Variants in FAM120A observed in about 807,000 individuals in gnomAD.
FAM120A encodes the protein family with sequence similarity 120 member A, also known as constitutive coactivator of PPAR-gamma-like protein 1.
FAM120A carries 15 observed loss-of-function variants against 109.7 expected under a neutral mutation model. The observed-to-expected ratio is 0.14, with a 90% CI of 0.09 to 0.21. The LOEUF (loss-of-function observed/expected upper bound fraction) is 0.21, where lower values mean the gene tolerates loss of function less well. Ranked by LOEUF, FAM120A falls within the 10% of genes least tolerant of loss-of-function variation. FAM120A has a pLI of 1.00. For synonymous variants in FAM120A, 493 were observed against 572.8 expected (o/e 0.86, Z 1.99); for missense variants, 899 against 1,439.3 (o/e 0.62, Z 6.07).
At chr9:93,459,345 C>A (rs2131207065) in intron 1 of FAM120A, among the ~76,000 whole-genome samples, 1 of 152,334 alleles carries the variant, frequency 6.6e-6, no homozygotes, top group South Asian at 2.1e-4. Flanking sequence ...TTGCTGCATT[C>A]CATTATATAG....
intron 11 of FAM120A, among the ~76,000 whole-genome samples, chr9:93,546,455 C>T (rs1431906656): frequency 1.3e-5 from 2 of 152,238 alleles, no homozygotes; most frequent in African/African-American, 4.8e-5. Context: ...TAAGTTTGTG[C>T]TCAGACTCTT....
chr9:93,482,112 C>A (rs1467513473), intron 3 of FAM120A, among the ~76,000 whole-genome samples: 24 of 151,708 alleles, frequency 1.6e-4, no homozygotes. Flanking sequence ...CCAGCATTAT[C>A]TTTCCCTGAG....
At chr9:93,489,747 G>A (rs780289531) in intron 3 of FAM120A, among the ~76,000 whole-genome samples, 11 of 152,194 alleles carry the variant, frequency 7.2e-5, no homozygotes, top group Non-Finnish European at 1.3e-4. Context: ...AAATTTGAAA[G>A]CATGACTATT....
chr9:93,525,550 T>C (rs1221142337), intron 7 of FAM120A, among the ~76,000 whole-genome samples: 1 of 152,100 alleles, frequency 6.6e-6, no homozygotes, highest in African/African-American at 2.4e-5. Context: ...TAAGCAAGAG[T>C]TGTGCCAATG....
At chr9:93,527,898 TAG>T (rs1861158211) in intron 8 of FAM120A, among the ~76,000 whole-genome samples, 1 of 152,096 alleles carries the variant, frequency 6.6e-6, no homozygotes, top group Admixed American at 6.5e-5. Flanking sequence ...GCTGGGATTA[TAG>T]ACGTGAGCCA....
chr9:93,492,726 C>A lies in FAM120A; in HGVS notation c.805-4745C>A, dbSNP rs199911900. On this transcript the variant is annotated intron_variant, in intron 3 of 17. Coordinates refer to ENST00000277165, the MANE Select transcript of FAM120A (RefSeq NM_014612.5). ...TGCATGGTCAGCAAATTATAAACGG[C>A]CGGTGTTTTCGGACCAGAGGGTAGA... Among the ~76,000 whole-genome samples, 34 of 152,232 alleles carry A rather than the reference C, an allele frequency of 2.2e-4. 1 individual carries two copies. Among genetic ancestry groups the A allele is most frequent in the East Asian group, 1.7e-3 (9 of 5,188 alleles).
At chr9:93,459,927 T>G (rs1857716612) in intron 1 of FAM120A, among the ~76,000 whole-genome samples, 1 of 152,258 alleles carries the variant, frequency 6.6e-6, no homozygotes, top group South Asian at 2.1e-4. Context: ...TTTATGCCTT[T>G]GTAAAGTCAT....
intron 1 of FAM120A, among the ~76,000 whole-genome samples, chr9:93,459,271 G>A (rs542952359): frequency 5.3e-5 from 8 of 152,298 alleles, no homozygotes; most frequent in South Asian, 4.1e-4. Context: ...TGAGGCCAGG[G>A]ACTGTTTTAC....
At chr9:93,557,305 T>G (rs994819857) in intron 13 of FAM120A, among the ~76,000 whole-genome samples, 5 of 152,070 alleles carry the variant, frequency 3.3e-5, no homozygotes, top group Non-Finnish European at 7.4e-5. Context: ...AATTTTTGTA[T>G]TTTTAGTAGA....
At chr9:93,457,008 T>C (rs1434379545) in intron 1 of FAM120A, among the ~76,000 whole-genome samples, 1 of 152,242 alleles carries the variant, frequency 6.6e-6, no homozygotes, top group Non-Finnish European at 1.5e-5. Context: ...TGTCACTAGT[T>C]TAATTCACAT....
chr9:93,522,805 TC>T (rs1204817393), intron 7 of FAM120A, among the ~76,000 whole-genome samples: 1 of 152,168 alleles, frequency 6.6e-6, no homozygotes, highest in African/African-American at 2.4e-5. Flanking sequence ...AAGTCTTGTA[TC>T]CCCCTCCCCT....
Position 93,476,449 on chromosome 9 carries a change from C to T in FAM120A, c.804+111C>T, listed in dbSNP as rs10821136. 0.3 allele frequency: 206,684 copies of T among 688,540 alleles called. 33,847 individuals are homozygous for T. The highest frequency in any genetic ancestry group is 0.47 in the East Asian group (16,738 of 35,926). 42.7% of individuals were successfully genotyped at this position (688,540 alleles called of 1,614,324 possible). On this transcript the variant is annotated intron_variant, in intron 3 of 17. Transcript: ENST00000277165. ...TGGTGATGCTACAAAGTTAGCAATACCATGTTTTCCCATAATTTCAGGATC... is the reference window on the plus strand; with the variant it reads ...TGGTGATGCTACAAAGTTAGCAATATCATGTTTTCCCATAATTTCAGGATC...
At chr9:93,508,293 C>G (rs1860155748) in intron 5 of FAM120A, among the ~76,000 whole-genome samples, 1 of 152,204 alleles carries the variant, frequency 6.6e-6, no homozygotes, top group African/African-American at 2.4e-5. Flanking sequence ...GATGAGCAAC[C>G]TGGTCCTGGT....
At chr9:93,463,450 T>A (rs1005722467) in intron 1 of FAM120A, among the ~76,000 whole-genome samples, 1 of 152,246 alleles carries the variant, frequency 6.6e-6, no homozygotes, top group Admixed American at 6.5e-5. Context: ...GAGGCATTGC[T>A]GCTATGTGTC....
intron 1 of FAM120A, among the ~76,000 whole-genome samples, chr9:93,461,981 ACAT>A (rs1212683206): frequency 6.6e-6 from 1 of 152,264 alleles, no homozygotes; most frequent in African/African-American, 2.4e-5. Context: ...GACTGTGATC[ACAT>A]CACAAGCAGT....
intron 3 of FAM120A, among the ~76,000 whole-genome samples, chr9:93,490,103 G>A (rs1057070880): frequency 2.6e-5 from 4 of 152,156 alleles, no homozygotes; most frequent in Non-Finnish European, 5.9e-5. Context: ...TCTAGCACAG[G>A]CCTCATCCAT....
In FAM120A at chr9:93,497,454, T is replaced by TAA. The variant is rs779873748; in HGVS notation, c.805-16_805-15insAA. On this transcript the variant is annotated splice_polypyrimidine_tract_variant and intron_variant, in intron 3 of 17. Coordinates refer to ENST00000277165, the MANE Select transcript of FAM120A (RefSeq NM_014612.5). ...TTGCTCACCATCCACTGTTGACACT[T>TAA]ACGTTTGTTTTCTCAGGTCCGGGCC... is the stretch of plus-strand genomic sequence containing the variant. 7 of 1,611,556 alleles carry TAA rather than the reference T, an allele frequency of 4.3e-6. No homozygotes were observed. The Admixed American group carries it at 1.2e-4, about 27-fold the overall frequency.
At chr9:93,502,415 A>G (rs1306924086) in intron 5 of FAM120A, among the ~76,000 whole-genome samples, 8 of 152,296 alleles carry the variant, frequency 5.3e-5, no homozygotes, top group Non-Finnish European at 1.2e-4. Flanking sequence ...GAATGTTCCT[A>G]GCTAGGTACC....
rs774723870 is a variant in FAM120A at position 93,543,361 on chromosome 9, C to T, written c.2049C>T (p.Asp683=). The change falls in exon 11 of 18, where the codon GAC becomes GAT. Residue 683 remains aspartate, a synonymous_variant. Coordinates refer to ENST00000277165, the MANE Select transcript of FAM120A (RefSeq NM_014612.5). ...TGTGGTTGGGTAAGGCGGTAGAGGA[C>T]AAGAACCGCAGGATGAGGGCCTTCC... ...KRLWLGKAVE[D]KNRRMRAFLA... 6.2e-7 allele frequency: 1 copy of T among 1,614,188 alleles called. No homozygotes were observed. The highest frequency in any genetic ancestry group is 1.1e-5 in the South Asian group (1 of 91,074).
Sources: gnomAD v4.1 joint callset for allele counts (sites outside exome capture counted in the v4.1 genomes callset) on GRCh38, gnomAD v4.1.1 for gene constraint, MANE v1.5 for transcripts, NCBI Gene and HGNC (gene_info 2026-07-23, HGNC 2026-07-21) for gene names.